PAK4: variants seen among roughly 807,000 people sequenced by gnomAD.
The protein encoded by PAK4 is p21 (RAC1) activated kinase 4, also known as serine/threonine-protein kinase PAK 4.
Under a neutral mutation model 53.5 loss-of-function variants are expected in PAK4, and 49 were observed. The observed-to-expected ratio is 0.92, with a 90% confidence interval of 0.73 to 1.16. PAK4 has a LOEUF of 1.16. Ranked by LOEUF, PAK4 falls within the 50% of genes most tolerant of loss-of-function variation. The pLI is 0.00. For synonymous variants in PAK4, 376 were observed against 375.6 expected (o/e 1.00, Z -0.01); for missense variants, 824 against 850.7 (o/e 0.97, Z 0.39).
At chr19:39,154,574 G>A (rs182538842) in intron 1 of PAK4, among the ~76,000 whole-genome samples, 1 of 152,196 alleles carries the variant, frequency 6.6e-6, no homozygotes, top group Non-Finnish European at 1.5e-5. Context: ...AAGACAGAGA[G>A]AAGGAAAAGA....
rs527239063 is a variant in PAK4 at position 39,134,096 on chromosome 19, C to T, written c.-23+8177C>T. Among the ~76,000 whole-genome samples, 8 of 152,342 alleles carry T rather than the reference C, an allele frequency of 5.3e-5. No individual in the cohort carries two copies. The South Asian group carries it at 1.5e-3, about 28-fold the overall frequency. On this transcript the variant is annotated intron_variant, in intron 1 of 8. Coordinates refer to ENST00000358301, the Ensembl canonical transcript of PAK4. ...CCCACAGGGGCCTCCATAGTTCTGT[C>T]GTCCCTTCCCCGCAAATCTTCCACT...
intron 1 of PAK4, among the ~76,000 whole-genome samples, chr19:39,154,022 C>G (rs748735276): frequency 3.4e-4 from 52 of 152,146 alleles, no homozygotes; most frequent in Non-Finnish European, 6.6e-4. Flanking sequence ...ATGTTTTTGC[C>G]TCTTCTGTGT....
Position 39,179,391 on chromosome 19 carries a change from A to G in PAK4, c.*812A>G, listed in dbSNP as rs181552710. 2.0e-5 allele frequency: 3 copies of G among 148,572 alleles called. No homozygotes were observed. The East Asian group carries it at 6.1e-4, about 30-fold the overall frequency. 9.2% of individuals were successfully genotyped at this position (148,572 alleles called of 1,614,324 possible). On this transcript the variant is annotated 3_prime_UTR_variant, in exon 9 of 9. Transcript: ENST00000358301. ...CTCGAGTTAGTTTTACAATTAAAAC[A>G]TTGTCTTGTTTTGTGTCTGTGTGCG... is the stretch of plus-strand genomic sequence containing the variant.
rs2074579111 is a variant in PAK4 at position 39,175,253 on chromosome 19, C to G, written c.1233-59C>G. On this transcript the variant is annotated intron_variant, in intron 5 of 8. Coordinates refer to ENST00000358301, the Ensembl canonical transcript of PAK4. This position sits in a 1 kb window ranked among gnomAD's most constrained non-coding sequence, Gnocchi z 4.7. Reference sequence around the variant, plus strand: ...TCCCACTGCAAGGCAGGGCTGCGTCCCCCTCGGCACCCCGGGGTGCTGTCC... The same window carrying G: ...TCCCACTGCAAGGCAGGGCTGCGTCGCCCTCGGCACCCCGGGGTGCTGTCC... 6.6e-7 allele frequency: 1 copy of G among 1,524,910 alleles called. No individual in the cohort carries two copies. The allele number at this position is 1,524,910 out of a possible 1,614,324, so 94.5% of individuals were successfully genotyped here. A position where few individuals can be genotyped will look rare whatever the true frequency, so the allele number is the denominator to read the frequency against.
At chr19:39,142,565 C>G (rs1406077867) in intron 1 of PAK4, among the ~76,000 whole-genome samples, 1 of 152,142 alleles carries the variant, frequency 6.6e-6, no homozygotes, top group Admixed American at 6.5e-5. Context: ...CCTTCCCCAC[C>G]CCCCGGGGCC....
intron 1 of PAK4, among the ~76,000 whole-genome samples, chr19:39,132,977 CT>C (rs991055202): frequency 2.6e-5 from 4 of 152,250 alleles, no homozygotes; most frequent in African/African-American, 9.6e-5. Flanking sequence ...GATAATTTTA[CT>C]TTCTCTGAGA....
At chr19:39,172,055 G>A (rs1023723116) in intron 2 of PAK4, among the ~76,000 whole-genome samples, 12 of 152,256 alleles carry the variant, frequency 7.9e-5, no homozygotes, top group Admixed American at 5.2e-4. Context: ...GGCAGGGGCC[G>A]GGGAGGGCAG....
At chr19:39,166,260 A>G (rs946240716) in intron 1 of PAK4, among the ~76,000 whole-genome samples, 1 of 152,328 alleles carries the variant, frequency 6.6e-6, no homozygotes, top group African/African-American at 2.4e-5. Flanking sequence ...CCTGGCCAAC[A>G]TGGTGAAACC....
At chr19:39,169,664 C>G (rs529972747) in exon 2 of PAK4, 1 of 1,613,550 alleles carries the variant, frequency 6.2e-7, no homozygotes, top group Non-Finnish European at 8.5e-7. Context: ...GGCTGCCCCG[C>G]CAGTGGCAGA....
intron 1 of PAK4, among the ~76,000 whole-genome samples, chr19:39,145,366 C>A (rs1381679944): frequency 6.6e-6 from 1 of 152,208 alleles, no homozygotes; most frequent in Admixed American, 6.5e-5. Context: ...GCAACTCTCT[C>A]AATATTTTGT....
chr19:39,173,848 G>T lies in PAK4; in HGVS notation c.936G>T (p.Val312=). Reference sequence around the variant, plus strand: ...TCCGGGCTGCCCTGCAGCTGGTGGTGGACCCAGGCGACCCCCGCTCCTACC... The same window carrying T: ...TCCGGGCTGCCCTGCAGCTGGTGGTTGACCCAGGCGACCCCCGCTCCTACC... The change falls in exon 4 of 9, where the codon GTG becomes GTT. Residue 312 remains valine (V), a synonymous_variant. Coordinates refer to ENST00000358301, the Ensembl canonical transcript of PAK4. This position sits in a 1 kb window ranked among gnomAD's most constrained non-coding sequence, Gnocchi z 6.9. 2.5e-6 allele frequency: 4 copies of T among 1,612,592 alleles called. No individual in the cohort carries two copies. Among genetic ancestry groups the T allele is most frequent in the Non-Finnish European group, 3.4e-6 (4 of 1,179,778 alleles).
chr19:39,167,695 CG>C (rs1057106205), intron 1 of PAK4, among the ~76,000 whole-genome samples: 6 of 152,122 alleles, frequency 3.9e-5, no homozygotes, highest in Admixed American at 1.3e-4. Flanking sequence ...CCCCCTCCCA[CG>C]GGGCTCCCGC....
intron 1 of PAK4, among the ~76,000 whole-genome samples, chr19:39,146,167 A>G (rs2073995751): frequency 6.6e-6 from 1 of 152,178 alleles, no homozygotes; most frequent in African/African-American, 2.4e-5. Flanking sequence ...CAGCCCTGTC[A>G]GGCTGAGGTC....
intron 1 of PAK4, among the ~76,000 whole-genome samples, chr19:39,143,289 TAAAAA>T (rs33954043): frequency 4.2e-5 from 5 of 117,746 alleles, no homozygotes; most frequent in Non-Finnish European, 5.2e-5. Flanking sequence ...GTAGAAGCAT[TAAAAA>T]AAAAAAAAAA....
intron 1 of PAK4, among the ~76,000 whole-genome samples, chr19:39,150,479 A>G (rs183927294): frequency 6.9e-4 from 105 of 152,122 alleles, no homozygotes; most frequent in Non-Finnish European, 8.8e-4. Flanking sequence ...CTCCACTGCC[A>G]CTGTCCTGGC....
At chr19:39,134,459 T>C (rs923111561) in intron 1 of PAK4, among the ~76,000 whole-genome samples, 1 of 149,848 alleles carries the variant, frequency 6.7e-6, no homozygotes, top group Non-Finnish European at 1.5e-5. Flanking sequence ...AATTACAGAA[T>C]GTCATCTTGC....
chr19:39,170,058 T>C (rs1413888321), intron 2 of PAK4, among the ~76,000 whole-genome samples: 2 of 152,112 alleles, frequency 1.3e-5, no homozygotes, highest in African/African-American at 4.8e-5. Flanking sequence ...GGGGCCATGC[T>C]GCTGTACCCC....
chr19:39,169,797 AC>A, intron 2 of PAK4, 40 bp downstream of exon 3: 1 of 1,304,068 alleles, frequency 7.7e-7, no homozygotes, highest in South Asian at 1.3e-5. Flanking sequence ...GCCCACCCCA[AC>A]CCCCGAGTGG....
chr19:39,176,045 C>T (rs982653362), intron 6 of PAK4, among the ~76,000 whole-genome samples: 58 of 152,158 alleles, frequency 3.8e-4, no homozygotes, highest in African/African-American at 1.3e-3. Context: ...CTATGGGCCA[C>T]CTGAGATTGT....
Sources: gnomAD v4.1 joint callset for allele counts (sites outside exome capture counted in the v4.1 genomes callset) on GRCh38, gnomAD v4.1.1 for gene constraint, Gnocchi (gnomAD v3.1) non-coding constraint, MANE v1.5 for transcripts, NCBI Gene and HGNC (gene_info 2026-07-23, HGNC 2026-07-21) for gene names.